MBD5: variants seen among roughly 807,000 people sequenced by gnomAD.
MBD5 encodes the protein methyl-CpG binding domain protein 5, also known as methyl-CpG-binding domain protein 5.
Under a neutral mutation model 117.3 loss-of-function variants are expected in MBD5, and 13 were observed. That is an observed-to-expected ratio of 0.11 (90% CI 0.07 to 0.18). MBD5 has a LOEUF of 0.18. Among genes scored for constraint, MBD5 ranks in the 10% least tolerant of loss-of-function variants. The pLI is 1.00. For missense variants in MBD5, 1,879 were observed against 2,093.8 expected (o/e 0.90, Z 2.00); for synonymous variants, 727 against 766.4 (o/e 0.95, Z 0.85).
chr2:148,298,368 T>C (rs1701705074), intron 3 of MBD5, among the ~76,000 whole-genome samples: 1 of 151,666 alleles, frequency 6.6e-6, no homozygotes, highest in South Asian at 2.1e-4. Context: ...CTACCTGGAG[T>C]GGAGCTTCTG....
intron 3 of MBD5, among the ~76,000 whole-genome samples, chr2:148,321,566 A>G (rs1403771061): frequency 6.6e-6 from 1 of 152,148 alleles, no homozygotes; most frequent in Non-Finnish European, 1.5e-5. Context: ...CCTATGAAAA[A>G]CATCTAGACT....
intron 3 of MBD5, among the ~76,000 whole-genome samples, chr2:148,330,088 T>TACACACACACCCACACAC (rs1702600781): frequency 5.0e-5 from 2 of 40,392 alleles, no homozygotes; most frequent in Non-Finnish European, 9.7e-5. Context: ...CCTCCTGCCA[T>TACACACACACCCACACAC]ACACACACAC....
chr2:148,441,879 T>G (rs1706336188), intron 4 of MBD5, among the ~76,000 whole-genome samples: 1 of 152,204 alleles, frequency 6.6e-6, no homozygotes, highest in Non-Finnish European at 1.5e-5. Flanking sequence ...TTTTTTCATG[T>G]GTCTTTTGGC....
chr2:148,222,699 A>G (rs1345249581), intron 2 of MBD5, among the ~76,000 whole-genome samples: 3 of 151,976 alleles, frequency 2.0e-5, no homozygotes, highest in African/African-American at 4.8e-5. Flanking sequence ...TTCCAAATAT[A>G]ATATTATGTC....
chr2:148,455,821 T>C (rs928098938), intron 4 of MBD5, among the ~76,000 whole-genome samples: 6 of 151,248 alleles, frequency 4.0e-5, no homozygotes, highest in Non-Finnish European at 7.4e-5. Flanking sequence ...GGGCCCAGTG[T>C]AATGATGAGA....
At chr2:148,181,592 A>G (rs1008146407) in intron 2 of MBD5, among the ~76,000 whole-genome samples, 2 of 152,186 alleles carry the variant, frequency 1.3e-5, no homozygotes, top group African/African-American at 2.4e-5. Flanking sequence ...TAAAATCACT[A>G]TTGAGTTTGA....
intron 2 of MBD5, among the ~76,000 whole-genome samples, chr2:148,184,099 C>T (rs1698594521): frequency 6.6e-6 from 1 of 150,836 alleles, no homozygotes; most frequent in Non-Finnish European, 1.5e-5. Context: ...TGCTCAACCT[C>T]CTCCTGGGCC....
intron 1 of MBD5, among the ~76,000 whole-genome samples, chr2:148,166,868 C>T (rs1698136107): frequency 6.6e-6 from 1 of 152,012 alleles, no homozygotes; most frequent in Admixed American, 6.6e-5. Flanking sequence ...TAATATGTAA[C>T]TACTAATTGC....
chr2:148,051,734 A>C (rs899814214), intron 1 of MBD5, among the ~76,000 whole-genome samples: 1 of 151,856 alleles, frequency 6.6e-6, no homozygotes, highest in African/African-American at 2.4e-5. Context: ...CACAATTATG[A>C]TATAATAATT....
At chr2:148,071,800 G>A (rs1573982516) in intron 1 of MBD5, 1 of 152,110 alleles carries the variant, frequency 6.6e-6, no homozygotes, top group Non-Finnish European at 1.5e-5. Context: ...AGGATGCTAC[G>A]TTGGCTATCT....
At chr2:148,339,260 A>C (rs192920113) in intron 3 of MBD5, among the ~76,000 whole-genome samples, 3 of 152,232 alleles carry the variant, frequency 2.0e-5, no homozygotes, top group East Asian at 3.9e-4. Flanking sequence ...CATGATCTAA[A>C]AAAATCTTGT....
At chr2:148,144,202 G>A (rs1304522410) in intron 1 of MBD5, among the ~76,000 whole-genome samples, 1 of 151,902 alleles carries the variant, frequency 6.6e-6, no homozygotes, top group Non-Finnish European at 1.5e-5. Flanking sequence ...GGCCAGTGAT[G>A]ATGAGCATTT....
intron 3 of MBD5, among the ~76,000 whole-genome samples, chr2:148,252,749 C>T (rs551787260): frequency 6.3e-4 from 96 of 152,210 alleles, no homozygotes; most frequent in African/African-American, 2.3e-3. Context: ...AGGGTCTCAC[C>T]ATGTTAGCCA....
intron 7 of MBD5, among the ~76,000 whole-genome samples, chr2:148,467,541 G>C (rs1223695018): frequency 6.6e-6 from 1 of 152,136 alleles, no homozygotes. Context: ...ACACCCAATT[G>C]TCTAATGAAA....
intron 3 of MBD5, chr2:148,295,689 ATCTTGAT>A (rs1264715994): frequency 6.5e-6 from 1 of 153,210 alleles, no homozygotes; most frequent in Non-Finnish European, 1.5e-5. Flanking sequence ...ACAAGCAGAA[ATCTTGAT>A]TCTTAACTAT....
intron 1 of MBD5, among the ~76,000 whole-genome samples, chr2:148,158,974 G>A (rs759097059): frequency 6.6e-6 from 1 of 152,136 alleles, no homozygotes; most frequent in Non-Finnish European, 1.5e-5. Flanking sequence ...TGCCCGCCTT[G>A]GCCTCCCAAA....
rs59759229 is a variant in MBD5 at position 148,346,189 on chromosome 2, AAAG to A, written c.-557+3873_-557+3875del. 5.0e-3 allele frequency: 756 copies of A among 151,300 alleles called. 6 individuals are homozygous for A. The highest frequency in any genetic ancestry group is 0.016 in the African/African-American group (673 of 41,296). The allele number at this position is 151,300 out of a possible 1,614,324, so 9.4% of individuals were successfully genotyped here. A position where few individuals can be genotyped will look rare whatever the true frequency, so the allele number is the denominator to read the frequency against. ...GCTCTGAAAAATAAACTCTATTTGA[AAAG>A]AAGAAGAAGAAGAAGAAGAGGAAGA... On this transcript the variant is annotated intron_variant, in intron 4 of 13. Coordinates refer to ENST00000642680, the MANE Select transcript of MBD5 (RefSeq NM_001378120.1).
intron 4 of MBD5, among the ~76,000 whole-genome samples, chr2:148,440,453 T>A (rs184265197): frequency 6.6e-6 from 1 of 152,218 alleles, no homozygotes; most frequent in Admixed American, 6.6e-5. Flanking sequence ...TAGATTCTAT[T>A]CGGCCTCCAC....
chr2:148,217,706 G>A (rs1301662950), intron 2 of MBD5, among the ~76,000 whole-genome samples: 1 of 152,080 alleles, frequency 6.6e-6, no homozygotes, highest in Non-Finnish European at 1.5e-5. Context: ...GTACAGCTGT[G>A]GACTGATGCA....
Sources: gnomAD v4.1 joint callset for allele counts (sites outside exome capture counted in the v4.1 genomes callset) on GRCh38, gnomAD v4.1.1 for gene constraint, MANE v1.5 for transcripts, NCBI Gene and HGNC (gene_info 2026-07-23, HGNC 2026-07-21) for gene names.